Variants in ORC5 observed in about 807,000 individuals in gnomAD.
ORC5 encodes the protein protein phosphatase 1, regulatory subunit 117.
Under a neutral mutation model 58.8 loss-of-function variants are expected in ORC5, and 39 were observed. The ratio of observed to expected loss-of-function variants is 0.66; its 90% confidence interval spans 0.51 to 0.87. The LOEUF is 0.87. ORC5 is among the 40% of genes least tolerant of loss of function. ORC5 has a pLI of 0.00. For missense variants in ORC5, 493 were observed against 506.3 expected (o/e 0.97, Z 0.25); for synonymous variants, 218 against 177.6 (o/e 1.23, Z -1.81).
chr7:104,162,032 A>G lies in ORC5; in HGVS notation c.1039-850T>C, dbSNP rs143064438. ...AGTAAATAAGCCAGCAGCCTAAAAC[A>G]ATGTAAAATTTAAAAAAATTTTTTC... On this transcript the variant is annotated intron_variant, in intron 11 of 13. Coordinates refer to ENST00000297431, the MANE Select transcript of ORC5 (RefSeq NM_002553.4). Among the ~76,000 whole-genome samples, 696 of 152,324 alleles carry G rather than the reference A, an allele frequency of 4.6e-3. 4 individuals are homozygous for G. The highest frequency in any genetic ancestry group is 0.016 in the African/African-American group (656 of 41,574).
intron 1 of ORC5, 115 bp downstream of exon 1, chr7:104,207,718 G>A (rs903574323): frequency 6.7e-6 from 6 of 895,890 alleles, no homozygotes; most frequent in African/African-American, 6.6e-5. Context: ...CCTATTTAAC[G>A]TAAAAACGGC....
chr7:104,199,953 T>C (rs1236421014), intron 3 of ORC5, among the ~76,000 whole-genome samples: 1 of 152,218 alleles, frequency 6.6e-6, no homozygotes, highest in African/African-American at 2.4e-5. Context: ...ATGCTGTTCT[T>C]GTGATAGTGA....
At chr7:104,128,046 G>A (rs1562799915) in intron 13 of ORC5, among the ~76,000 whole-genome samples, 1 of 152,166 alleles carries the variant, frequency 6.6e-6, no homozygotes, top group Non-Finnish European at 1.5e-5. Context: ...AAATCATAAA[G>A]TTATTTTATA....
rs571355097 is a variant in ORC5 at position 104,197,218 on chromosome 7, C to T, written c.441+507G>A. On this transcript the variant is annotated intron_variant, in intron 4 of 13. Coordinates refer to ENST00000297431, the MANE Select transcript of ORC5 (RefSeq NM_002553.4). ...AGGAAGAACCTGCTGTAGGCTAGTT[C>T]ACTTAAAGTTGCAATTTCCAAGAAT... 2.6e-5 allele frequency among the ~76,000 whole-genome samples: 4 copies of T among 152,222 alleles called. No homozygotes were observed. In the East Asian group the frequency reaches 7.7e-4, roughly 29 times the overall value.
Position 104,141,616 on chromosome 7 carries a change from C to T in ORC5, c.1150-4723G>A, listed in dbSNP as rs1798674104. On this transcript the variant is annotated intron_variant, in intron 12 of 13. Transcript: ENST00000297431. ...AATGAGCACCAAAAAGCTGTTAGAACTAATAAATGCTTTCAGTAAAGTTGC... is the reference window on the plus strand; with the variant it reads ...AATGAGCACCAAAAAGCTGTTAGAATTAATAAATGCTTTCAGTAAAGTTGC... Among the ~76,000 whole-genome samples, 4 of 152,010 alleles carry T rather than the reference C, an allele frequency of 2.6e-5. No homozygotes were observed. In the South Asian group the frequency reaches 8.3e-4, roughly 32 times the overall value.
At chr7:104,191,362 G>C (rs1388016267) in intron 5 of ORC5, among the ~76,000 whole-genome samples, 1 of 151,992 alleles carries the variant, frequency 6.6e-6, no homozygotes, top group African/African-American at 2.4e-5. Context: ...TGATCACAGA[G>C]ATTAACATAC....
chr7:104,176,362 G>T (rs1004224632), intron 8 of ORC5, among the ~76,000 whole-genome samples: 5 of 152,186 alleles, frequency 3.3e-5, no homozygotes, highest in African/African-American at 1.2e-4. Flanking sequence ...AAGCCTGGTT[G>T]CATTAAAAAG....
intron 12 of ORC5, among the ~76,000 whole-genome samples, chr7:104,155,030 T>C (rs927190928): frequency 4.0e-5 from 6 of 151,846 alleles, no homozygotes; most frequent in African/African-American, 9.6e-5. Flanking sequence ...ATAAATTCAT[T>C]TGAGAAAAAC....
chr7:104,179,261 A>G (rs185967558), intron 8 of ORC5, among the ~76,000 whole-genome samples: 4 of 152,276 alleles, frequency 2.6e-5, no homozygotes, highest in Admixed American at 2.6e-4. Context: ...AAAAAAGGAT[A>G]AATTTGAGAA....
intron 2 of ORC5, among the ~76,000 whole-genome samples, chr7:104,201,177 G>C (rs879336260): frequency 3.3e-5 from 5 of 152,136 alleles, no homozygotes; most frequent in African/African-American, 7.2e-5. Context: ...GGAGACTAAG[G>C]GAGAATGGTG....
chr7:104,184,994 C>A (rs943342871), intron 6 of ORC5, among the ~76,000 whole-genome samples: 3 of 152,032 alleles, frequency 2.0e-5, no homozygotes, highest in Non-Finnish European at 1.5e-5. Context: ...CTTTCTGTAA[C>A]CTCAGGATGT....
At chr7:104,173,501 G>A (rs542466275) in intron 8 of ORC5, among the ~76,000 whole-genome samples, 1 of 152,276 alleles carries the variant, frequency 6.6e-6, no homozygotes, top group East Asian at 1.9e-4. Context: ...TCTTAGAACT[G>A]GTATATAGTA....
At position 104,188,302 on chromosome 7, in the gene ORC5, A is replaced by G. The variant is rs1467232778; in HGVS notation, c.633T>C (p.Leu211=). 6.2e-7 allele frequency: 1 copy of G among 1,613,304 alleles called. No homozygotes were observed. The highest frequency in any genetic ancestry group is 8.5e-7 in the Non-Finnish European group (1 of 1,179,484). ...ADFYAAYINI[L]LGVFYTVCRD... ...GACAAACAGTGTAGAAAACTCCAAGAAGAATGTTAATGTAGGCAGCATAGA... is the reference window on the plus strand; with the variant it reads ...GACAAACAGTGTAGAAAACTCCAAGGAGAATGTTAATGTAGGCAGCATAGA... The change falls in exon 6 of 14, where the codon CTT becomes CTC. Residue 211 remains leucine, a synonymous_variant. Transcript: ENST00000297431.
chr7:104,205,291 T>C (rs1016428513), intron 1 of ORC5, among the ~76,000 whole-genome samples: 16 of 151,954 alleles, frequency 1.1e-4, no homozygotes, highest in Admixed American at 9.8e-4. Context: ...AGTTTCACCA[T>C]GTTGGTCAGG....
intron 8 of ORC5, among the ~76,000 whole-genome samples, chr7:104,170,173 T>C (rs1430531485): frequency 6.6e-6 from 1 of 152,228 alleles, no homozygotes; most frequent in Non-Finnish European, 1.5e-5. Flanking sequence ...CTTTCCTTTG[T>C]AAGTGACTTT....
chr7:104,170,747 T>C (rs1269777918), intron 8 of ORC5, among the ~76,000 whole-genome samples: 1 of 152,232 alleles, frequency 6.6e-6, no homozygotes, highest in Non-Finnish European at 1.5e-5. Flanking sequence ...TGTTTTAATG[T>C]GTAAAGCTAG....
chr7:104,207,746 A>C (rs774656091), intron 1 of ORC5, 87 bp downstream of exon 1: 1 of 1,347,558 alleles, frequency 7.4e-7, no homozygotes, highest in Admixed American at 1.7e-5. Context: ...CCCTCAATCC[A>C]AACACGAAAA....
rs1798481000 is a variant in ORC5 at position 104,129,405 on chromosome 7, T to A, written c.1263-2512A>T. 6.6e-6 allele frequency among the ~76,000 whole-genome samples: 1 copy of A among 152,142 alleles called. No individual in the cohort carries two copies. The highest frequency in any genetic ancestry group is 1.5e-5 in the Non-Finnish European group (1 of 68,008). ...AGAGTTTTAGATTAAAAAAAATCGA[T>A]CAGGAATTGAATATAAAATCATTCC... On this transcript the variant is annotated intron_variant, in intron 13 of 13. Transcript: ENST00000297431. This position sits in a 1 kb window ranked among gnomAD's most constrained non-coding sequence, Gnocchi z 4.9.
rs144040878 is a variant in ORC5, at chr7:104,153,093, G to A, written c.1149+7979C>T. 4.2e-3 allele frequency among the ~76,000 whole-genome samples: 632 copies of A among 152,238 alleles called. 5 individuals are homozygous for A. The highest frequency in any genetic ancestry group is 0.014 in the African/African-American group (582 of 41,540). On this transcript the variant is annotated intron_variant, in intron 12 of 13. Coordinates refer to ENST00000297431, the MANE Select transcript of ORC5 (RefSeq NM_002553.4). ...AAAAACAATCTTTTATCCCTGCGCA[G>A]TAAAATAAAATATGCTGTGCTTTTT...
Sources: gnomAD v4.1 joint callset for allele counts (sites outside exome capture counted in the v4.1 genomes callset) on GRCh38, gnomAD v4.1.1 for gene constraint, Gnocchi (gnomAD v3.1) non-coding constraint, MANE v1.5 for transcripts, NCBI Gene and HGNC (gene_info 2026-07-23, HGNC 2026-07-21) for gene names.